KLHL1: variants seen among roughly 807,000 people sequenced by gnomAD.
KLHL1 encodes kelch-like protein 1.
KLHL1 carries 47 observed loss-of-function variants against 77.7 expected under a neutral mutation model. The ratio of observed to expected loss-of-function variants is 0.60; its 90% CI spans 0.48 to 0.77. KLHL1 has a LOEUF of 0.77. Ranked by LOEUF, KLHL1 falls within the 30% of genes least tolerant of loss-of-function variation. The pLI is 0.00. For missense variants in KLHL1, 925 were observed against 910.8 expected, an observed-to-expected ratio of 1.02 and a Z score of -0.20; for synonymous variants, 360 against 325.2, an observed-to-expected ratio of 1.11 and a Z score of -1.15.
At position 69,872,890 on chromosome 13, in the gene KLHL1, T is replaced by C. The variant is rs137916598; in HGVS notation, c.1227+9393A>G. Among the ~76,000 whole-genome samples the C allele has an allele frequency of 2.6e-4, 39 of 152,182 alleles. No homozygotes were observed. In the East Asian group the frequency reaches 6.0e-3, roughly 23 times the overall value. ...GGGATCCTCCCCAATGACACAAACA[T>C]CTTTCATTAGGCCCCACCTCCAACA... On this transcript the variant is annotated intron_variant, in intron 5 of 10. Transcript: ENST00000377844.
At chr13:69,768,677 G>A (rs78604373) in intron 7 of KLHL1, among the ~76,000 whole-genome samples, 1,777 of 152,128 alleles carry the variant, frequency 0.012, 19 homozygotes, top group Middle Eastern at 0.035. Flanking sequence ...TTGATGTTGA[G>A]CAGATATGAA....
At chr13:69,866,397 A>C (rs1053656578) in intron 5 of KLHL1, among the ~76,000 whole-genome samples, 3 of 152,098 alleles carry the variant, frequency 2.0e-5, no homozygotes, top group Non-Finnish European at 2.9e-5. Flanking sequence ...AAACACCATC[A>C]ATTTAGGATC....
chr13:70,001,605 A>ATCTG (rs1385861708), intron 1 of KLHL1, among the ~76,000 whole-genome samples: 3 of 150,974 alleles, frequency 2.0e-5, no homozygotes, highest in African/African-American at 7.3e-5. Context: ...CTATCTATCT[A>ATCTG]TCTATCTATC....
At chr13:69,797,523 G>A (rs1213491186) in intron 6 of KLHL1, among the ~76,000 whole-genome samples, 1 of 151,966 alleles carries the variant, frequency 6.6e-6, no homozygotes, top group Non-Finnish European at 1.5e-5. Context: ...AAATAATCTG[G>A]GGAAGAGCTT....
chr13:70,085,445 C>T (rs1440486491), intron 1 of KLHL1, among the ~76,000 whole-genome samples: 1 of 152,062 alleles, frequency 6.6e-6, no homozygotes, highest in African/African-American at 2.4e-5. Flanking sequence ...ACATGTAAGT[C>T]AAAGAAAAAT....
intron 6 of KLHL1, among the ~76,000 whole-genome samples, chr13:69,821,471 T>A (rs1035524503): frequency 6.6e-5 from 10 of 151,920 alleles, no homozygotes; most frequent in African/African-American, 2.4e-4. Flanking sequence ...TGTGCCACCA[T>A]GCTTGGCTAA....
intron 1 of KLHL1, among the ~76,000 whole-genome samples, chr13:70,086,959 G>T (rs1010592554): frequency 6.6e-6 from 1 of 152,116 alleles, no homozygotes; most frequent in Non-Finnish European, 1.5e-5. Context: ...ATATGGGTCA[G>T]GGGGGAATGG....
rs531820776 is a variant in KLHL1 at position 70,008,479 on chromosome 13, T to C, written c.498-32677A>G. 2.6e-5 allele frequency among the ~76,000 whole-genome samples: 4 copies of C among 152,234 alleles called. No individual in the cohort carries two copies. The South Asian group carries it at 8.3e-4, about 32-fold the overall frequency. Reference sequence around the variant, plus strand: ...TGCGCCCCCATATGTGGTACACTCATGTGCGTCATTGGCTATGCACCCAAA... The same window carrying C: ...TGCGCCCCCATATGTGGTACACTCACGTGCGTCATTGGCTATGCACCCAAA... On this transcript the variant is annotated intron_variant, in intron 1 of 10. Coordinates refer to ENST00000377844, the MANE Select transcript of KLHL1 (RefSeq NM_020866.3).
intron 5 of KLHL1, among the ~76,000 whole-genome samples, chr13:69,874,162 A>T (rs1880682082): frequency 6.6e-6 from 1 of 152,028 alleles, no homozygotes; most frequent in Non-Finnish European, 1.5e-5. Context: ...TTATCTCTAG[A>T]CTATGCACCT....
At chr13:69,768,555 T>A (rs1164372405) in intron 7 of KLHL1, among the ~76,000 whole-genome samples, 1 of 152,126 alleles carries the variant, frequency 6.6e-6, no homozygotes, top group Non-Finnish European at 1.5e-5. Flanking sequence ...TGTACAATAG[T>A]TTGAAAGAAA....
chr13:69,975,294 G>A (rs760617787), intron 2 of KLHL1, among the ~76,000 whole-genome samples: 3 of 151,938 alleles, frequency 2.0e-5, no homozygotes, highest in Admixed American at 1.3e-4. Flanking sequence ...CCTAAAATTA[G>A]TATGACTGTG....
At chr13:69,918,896 T>A (rs1253097812) in intron 4 of KLHL1, among the ~76,000 whole-genome samples, 1 of 152,178 alleles carries the variant, frequency 6.6e-6, no homozygotes, top group Non-Finnish European at 1.5e-5. Context: ...AATTAGAGCT[T>A]CTTTACTCTT....
chr13:69,910,715 C>T (rs184478061), intron 4 of KLHL1, among the ~76,000 whole-genome samples: 36 of 151,756 alleles, frequency 2.4e-4, no homozygotes, highest in African/African-American at 4.1e-4. Flanking sequence ...ACTGGATAGA[C>T]GTGATAAAGC....
intron 7 of KLHL1, among the ~76,000 whole-genome samples, chr13:69,759,865 G>A (rs1874938665): frequency 1.3e-5 from 2 of 152,126 alleles, no homozygotes; most frequent in African/African-American, 4.8e-5. Flanking sequence ...AAGATTGCCA[G>A]GCAAAGCACC....
At chr13:69,823,062 A>G (rs1466025940) in intron 6 of KLHL1, among the ~76,000 whole-genome samples, 6 of 152,186 alleles carry the variant, frequency 3.9e-5, no homozygotes, top group African/African-American at 1.4e-4. Flanking sequence ...AAGACATAGA[A>G]GCCTCACCTC....
chr13:70,006,394 C>A (rs1885404876), intron 1 of KLHL1, among the ~76,000 whole-genome samples: 1 of 150,802 alleles, frequency 6.6e-6, no homozygotes, highest in Non-Finnish European at 1.5e-5. Flanking sequence ...ATTTTTGTAT[C>A]TTTATTTGGG....
At chr13:70,024,609 G>A (rs1057126014) in intron 1 of KLHL1, among the ~76,000 whole-genome samples, 1 of 84,948 alleles carries the variant, frequency 1.2e-5, no homozygotes, top group Admixed American at 1.3e-4. Context: ...TTAGGGGTGA[G>A]GAGAAAAGAT....
At chr13:70,095,899 G>A (rs949768921) in intron 1 of KLHL1, among the ~76,000 whole-genome samples, 12 of 151,242 alleles carry the variant, frequency 7.9e-5, no homozygotes, top group Non-Finnish European at 1.5e-4. Flanking sequence ...CTATCTCCAT[G>A]AGTTCATTTT....
chr13:69,961,049 T>C (rs1022874605), intron 3 of KLHL1, among the ~76,000 whole-genome samples: 1 of 152,024 alleles, frequency 6.6e-6, no homozygotes, highest in Non-Finnish European at 1.5e-5. Flanking sequence ...ATCCACCCTG[T>C]TTCTCTCCCA....
Sources: allele counts gnomAD v4.1 joint callset (sites outside exome capture counted in the v4.1 genomes callset), GRCh38; gene constraint gnomAD v4.1.1; transcripts MANE v1.5; gene names NCBI Gene and HGNC (gene_info 2026-07-23, HGNC 2026-07-21).